AOPEP: variants seen among roughly 807,000 people sequenced by gnomAD.
AOPEP encodes aminopeptidase O (putative).
In AOPEP, 77 loss-of-function variants were observed where a neutral mutation model predicts 98.1. That is an observed-to-expected ratio of 0.78 (90% CI 0.65 to 0.95). AOPEP has a LOEUF of 0.95. AOPEP is among the 40% of genes least tolerant of loss of function. The probability of loss-of-function intolerance (pLI) is 0.00; values close to 1 mark genes in which losing one functional copy is unlikely to be tolerated. For missense variants in AOPEP, 1,024 were observed against 1,024.7 expected, an observed-to-expected ratio of 1.00 and a Z score of 0.01; for synonymous variants, 346 against 365.3, an observed-to-expected ratio of 0.95 and a Z score of 0.60.
At chr9:94,995,522 A>T (rs1385409152) in intron 11 of AOPEP, among the ~76,000 whole-genome samples, 1 of 152,160 alleles carries the variant, frequency 6.6e-6, no homozygotes, top group Non-Finnish European at 1.5e-5. Context: ...GTACTGAAAC[A>T]GTTAAGTCAC....
chr9:94,743,132 C>CT (rs1564051272), intron 1 of AOPEP, among the ~76,000 whole-genome samples: 1 of 149,796 alleles, frequency 6.7e-6, no homozygotes, highest in East Asian at 2.0e-4. Flanking sequence ...TATTCCTTTA[C>CT]TTTTTTAATA....
intron 13 of AOPEP, among the ~76,000 whole-genome samples, chr9:95,029,789 C>A (rs1189748465): frequency 1.3e-5 from 2 of 152,146 alleles, no homozygotes; most frequent in African/African-American, 2.4e-5. Context: ...ATAACCAAAT[C>A]TGTTAATATG....
chr9:94,778,630 G>C (rs1842674384), intron 3 of AOPEP, among the ~76,000 whole-genome samples: 1 of 152,216 alleles, frequency 6.6e-6, no homozygotes, highest in East Asian at 1.9e-4. Flanking sequence ...AGAAATGAGT[G>C]CAAGGGTACA....
At chr9:94,767,305 C>CT (rs1564096823) in intron 2 of AOPEP, among the ~76,000 whole-genome samples, 1 of 152,212 alleles carries the variant, frequency 6.6e-6, no homozygotes, top group Non-Finnish European at 1.5e-5. Flanking sequence ...GTGCATATGT[C>CT]TATTTCCCAG....
chr9:95,086,390 A>G, intron 16 of AOPEP: 1 of 985,432 alleles, frequency 1.0e-6, no homozygotes, highest in African/African-American at 1.7e-5. Flanking sequence ...GTGAGCTGAG[A>G]CTTTCTGAGA....
downstream of AOPEP, among the ~76,000 whole-genome samples, chr9:95,090,357 G>A (rs748712222): frequency 1.2e-4 from 19 of 152,364 alleles, no homozygotes; most frequent in Middle Eastern, 3.4e-3. Flanking sequence ...GTTTCAGCCC[G>A]CAGGAGCCGG....
At chr9:94,865,782 G>C (rs760940235) in intron 5 of AOPEP, among the ~76,000 whole-genome samples, 6 of 152,184 alleles carry the variant, frequency 3.9e-5, no homozygotes, top group Admixed American at 6.5e-5. Flanking sequence ...ACCTAAAACA[G>C]ACAGATGTTG....
At chr9:94,996,352 G>GTGTC (rs1375591867) in intron 11 of AOPEP, among the ~76,000 whole-genome samples, 4 of 78,752 alleles carry the variant, frequency 5.1e-5, no homozygotes, top group East Asian at 7.2e-4. Context: ...ACTTGCCTCT[G>GTGTC]TGTGTGTGTG....
the AOPEP span, chr9:95,101,655 C>T: frequency 3.7e-6 from 6 of 1,609,124 alleles, no homozygotes; most frequent in African/African-American, 5.3e-5. Flanking sequence ...TGTCCTGTGG[C>T]CCTGGCGAGC....
chr9:94,807,994 C>T (rs955653589), intron 5 of AOPEP, among the ~76,000 whole-genome samples: 2 of 152,142 alleles, frequency 1.3e-5, no homozygotes, highest in African/African-American at 4.8e-5. Flanking sequence ...CTACATTTCA[C>T]CCCTAATAAG....
chr9:94,841,362 TG>T (rs1303269864), intron 5 of AOPEP, among the ~76,000 whole-genome samples: 2 of 152,146 alleles, frequency 1.3e-5, no homozygotes, highest in Admixed American at 6.5e-5. Context: ...TTAGTAGAGA[TG>T]GGGTTTCACC....
chr9:95,096,518 C>T, the AOPEP span, among the ~76,000 whole-genome samples: 1 of 152,206 alleles, frequency 6.6e-6, no homozygotes, highest in Non-Finnish European at 1.5e-5. Flanking sequence ...TGATGCCCAA[C>T]AGGCGGCGGG....
intron 10 of AOPEP, among the ~76,000 whole-genome samples, chr9:94,968,717 A>G (rs984658858): frequency 3.3e-5 from 5 of 152,202 alleles, no homozygotes; most frequent in Non-Finnish European, 7.3e-5. Context: ...TTTTTAACCT[A>G]TCAGGGTTTT....
chr9:94,782,050 G>T (rs557886243), intron 3 of AOPEP, among the ~76,000 whole-genome samples: 2 of 151,440 alleles, frequency 1.3e-5, no homozygotes, highest in African/African-American at 2.4e-5. Flanking sequence ...AAAATTAGCC[G>T]GGCGTGGTGG....
chr9:94,729,385 C>A (rs965877441), intron 1 of AOPEP, among the ~76,000 whole-genome samples: 1 of 152,012 alleles, frequency 6.6e-6, no homozygotes, highest in African/African-American at 2.4e-5. Context: ...GCCTGGGCAA[C>A]ATGATGAAAT....
At chr9:94,913,830 G>T (rs539500294) in intron 5 of AOPEP, among the ~76,000 whole-genome samples, 1 of 152,302 alleles carries the variant, frequency 6.6e-6, no homozygotes, top group South Asian at 2.1e-4. Flanking sequence ...TGTTTGCTTA[G>T]TTAACAAGCT....
chr9:94,738,502 CA>C (rs1832277754), intron 1 of AOPEP, among the ~76,000 whole-genome samples: 2 of 152,056 alleles, frequency 1.3e-5, no homozygotes, highest in Admixed American at 6.6e-5. Context: ...ACTAGAACAT[CA>C]GAGCACTGTG....
At chr9:95,138,864 C>G in the AOPEP span, among the ~76,000 whole-genome samples, 1 of 152,236 alleles carries the variant, frequency 6.6e-6, no homozygotes, top group Non-Finnish European at 1.5e-5. Context: ...GTGATGCGCC[C>G]ATTCTAGTTT....
intron 5 of AOPEP, among the ~76,000 whole-genome samples, chr9:94,908,394 G>T (rs533684847): frequency 6.6e-6 from 1 of 152,286 alleles, no homozygotes; most frequent in South Asian, 2.1e-4. Flanking sequence ...AAAGCGGAAT[G>T]TTCACTTTAC....
Sources: allele counts gnomAD v4.1 joint callset (sites outside exome capture counted in the v4.1 genomes callset), GRCh38; gene constraint gnomAD v4.1.1; transcripts MANE v1.5; gene names NCBI Gene and HGNC (gene_info 2026-07-23, HGNC 2026-07-21).